The following LHFPL7 variants were observed in gnomAD, a reference collection of about 807,000 sequenced individuals.
LHFPL7 encodes the protein LHFPL tetraspan subfamily member 7.
At chr22:24,941,324 A>G in the LHFPL7 span, among the ~76,000 whole-genome samples, 35 of 151,948 alleles carry the variant, frequency 2.3e-4, 1 homozygote, top group Middle Eastern at 3.5e-3. Flanking sequence ...ACATGCCACC[A>G]CACCTGGCTA....
chr22:24,939,070 A>G, the LHFPL7 span, among the ~76,000 whole-genome samples: 1 of 152,084 alleles, frequency 6.6e-6, no homozygotes. Context: ...CAGTAGCCGG[A>G]CCCCACTCCA....
the LHFPL7 span, chr22:24,939,598 GGA>G: frequency 2.9e-6 from 2 of 697,134 alleles, no homozygotes; most frequent in Non-Finnish European, 2.6e-6. Context: ...GCAGGGACAA[GGA>G]GAGAAAGGGG....
At chr22:24,941,296 G>C in the LHFPL7 span, among the ~76,000 whole-genome samples, 4 of 151,956 alleles carry the variant, frequency 2.6e-5, no homozygotes, top group African/African-American at 9.7e-5. Flanking sequence ...AGCCTCCCGA[G>C]TAGCTGGGAC....
At chr22:24,941,124 G>A in the LHFPL7 span, among the ~76,000 whole-genome samples, 4 of 150,900 alleles carry the variant, frequency 2.7e-5, no homozygotes, top group Admixed American at 6.6e-5. Context: ...TGCAAAATTG[G>A]TGTGGTGCTG....
chr22:24,939,147 T>C, the LHFPL7 span, among the ~76,000 whole-genome samples: 1 of 152,154 alleles, frequency 6.6e-6, no homozygotes, highest in Non-Finnish European at 1.5e-5. Context: ...TGCACAGGTG[T>C]TTCTGAAGGG....
At chr22:24,938,409 C>A in the LHFPL7 span, 1 of 1,540,230 alleles carries the variant, frequency 6.5e-7, no homozygotes, top group Non-Finnish European at 8.8e-7. Context: ...GGGACAGGGG[C>A]AGGTGGATGC....
chr22:24,940,712 C>CCGT, the LHFPL7 span, among the ~76,000 whole-genome samples: 2 of 87,442 alleles, frequency 2.3e-5, no homozygotes, highest in Admixed American at 1.3e-4. Context: ...TCCCTCCTTC[C>CCGT]CTTTCTTTCC....
the LHFPL7 span, among the ~76,000 whole-genome samples, chr22:24,942,348 T>A: frequency 6.6e-6 from 1 of 152,256 alleles, no homozygotes; most frequent in Non-Finnish European, 1.5e-5. Flanking sequence ...CTTACTTTAA[T>A]AATAGTCATG....
At chr22:24,935,142 T>G in the LHFPL7 span, 2 of 688,982 alleles carry the variant, frequency 2.9e-6, no homozygotes, top group Non-Finnish European at 4.7e-6. Context: ...TCCAGTGAAT[T>G]CTCAGAACAA....
chr22:24,940,527 C>A, the LHFPL7 span, among the ~76,000 whole-genome samples: 1 of 150,984 alleles, frequency 6.6e-6, no homozygotes, highest in African/African-American at 2.4e-5. Flanking sequence ...ACCCGGGAGG[C>A]GGAGCTTGCA....
the LHFPL7 span, chr22:24,938,276 C>G: frequency 6.2e-7 from 1 of 1,613,232 alleles, no homozygotes; most frequent in East Asian, 2.2e-5. Context: ...CGAGGAGCAT[C>G]ACAGCTGAGA....
the LHFPL7 span, among the ~76,000 whole-genome samples, chr22:24,936,843 G>GT: frequency 6.6e-6 from 1 of 152,246 alleles, no homozygotes; most frequent in East Asian, 1.9e-4. Flanking sequence ...GTTTCCTGGA[G>GT]TTTTTTCTAG....
chr22:24,941,663 T>A, the LHFPL7 span, among the ~76,000 whole-genome samples: 3 of 151,348 alleles, frequency 2.0e-5, no homozygotes, highest in Admixed American at 2.0e-4. Flanking sequence ...TTTTTTTGTT[T>A]GTTTGTTTGT....
At chr22:24,938,408 G>A in the LHFPL7 span, 1 of 1,541,448 alleles carries the variant, frequency 6.5e-7, no homozygotes, top group Non-Finnish European at 8.8e-7. Context: ...TGGGACAGGG[G>A]CAGGTGGATG....
chr22:24,939,562 A>C, the LHFPL7 span: 1 of 702,298 alleles, frequency 1.4e-6, no homozygotes, highest in Admixed American at 2.0e-5. Flanking sequence ...CCTAGGGGTC[A>C]ACAGGGAAGA....
At chr22:24,939,401 G>A in the LHFPL7 span, 7 of 702,960 alleles carry the variant, frequency 1.0e-5, no homozygotes, top group Admixed American at 1.4e-4. Flanking sequence ...TCCAACTGTT[G>A]CCCTGAGGCC....
the LHFPL7 span, among the ~76,000 whole-genome samples, chr22:24,936,703 T>C: frequency 1.3e-5 from 2 of 152,174 alleles, no homozygotes; most frequent in Non-Finnish European, 2.9e-5. Flanking sequence ...AGGTTCCCAT[T>C]ACCAGAAATG....
At chr22:24,944,557 G>A in the LHFPL7 span, among the ~76,000 whole-genome samples, 7 of 152,020 alleles carry the variant, frequency 4.6e-5, no homozygotes, top group Non-Finnish European at 1.5e-5. Context: ...GGAAAGAGCG[G>A]TGCGCCTTGT....
At chr22:24,938,128 G>T in the LHFPL7 span, 2 of 1,612,416 alleles carry the variant, frequency 1.2e-6, no homozygotes, top group Non-Finnish European at 1.7e-6. Context: ...CACTGACTAT[G>T]TGCCTGTGCA....
Sources: gnomAD v4.1 joint callset for allele counts (sites outside exome capture counted in the v4.1 genomes callset) on GRCh38, gnomAD v4.1.1 for gene constraint, MANE v1.5 for transcripts, NCBI Gene and HGNC (gene_info 2026-07-23, HGNC 2026-07-21) for gene names.